FRMD8: variants seen among roughly 807,000 people sequenced by gnomAD.
The protein encoded by FRMD8 is FERM domain-containing protein 8.
Under a neutral mutation model 54.2 loss-of-function variants are expected in FRMD8, and 37 were observed. The ratio of observed to expected loss-of-function variants is 0.68; its 90% CI spans 0.53 to 0.90. The LOEUF (loss-of-function observed/expected upper bound fraction) is 0.90. Ranked by LOEUF, FRMD8 falls within the 40% of genes least tolerant of loss-of-function variation. The probability of loss-of-function intolerance (pLI) is 0.00; values close to 1 mark genes in which losing one functional copy is unlikely to be tolerated. For synonymous variants in FRMD8, 246 were observed against 286.9 expected, an observed-to-expected ratio of 0.86 and a Z score of 1.44; for missense variants, 585 against 653.7, an observed-to-expected ratio of 0.89 and a Z score of 1.15.
At chr11:65,380,554 T>G in the FRMD8 span, 6 of 1,333,658 alleles carry the variant, frequency 4.5e-6, no homozygotes, top group Non-Finnish European at 5.9e-6. Flanking sequence ...GCTTTACTCT[T>G]CTTTCTTCAA....
chr11:65,388,483 A>G (rs1356064079), intron 2 of FRMD8, among the ~76,000 whole-genome samples: 2 of 152,158 alleles, frequency 1.3e-5, no homozygotes, highest in African/African-American at 4.8e-5. Context: ...ACTTTTACAG[A>G]TGAGGCAACT....
Position 65,409,799 on chromosome 11 carries a change from C to T in FRMD8, c.1277-1443C>T, listed in dbSNP as rs143263857. ...AAAAAGAAAAAGAAAAATTTATTAACGTCTTGGCTAGGCTCACACCTGTAA... is the reference window on the plus strand; with the variant it reads ...AAAAAGAAAAAGAAAAATTTATTAATGTCTTGGCTAGGCTCACACCTGTAA... On this transcript the variant is annotated intron_variant, in intron 10 of 10. Coordinates refer to ENST00000317568, the MANE Select transcript of FRMD8 (RefSeq NM_031904.5). Among the ~76,000 whole-genome samples, 672 of 151,620 alleles carry T rather than the reference C, an allele frequency of 4.4e-3. 2 individuals are homozygous for T. Among genetic ancestry groups the T allele is most frequent in the African/African-American group, 0.015 (628 of 41,334 alleles).
At chr11:65,377,715 G>C in the FRMD8 span, 1 of 152,970 alleles carries the variant, frequency 6.5e-6, no homozygotes, top group Non-Finnish European at 1.5e-5. Context: ...ACACAGATTT[G>C]GGATGGAATT....
At chr11:65,376,483 A>G in the FRMD8 span, 2 of 1,614,170 alleles carry the variant, frequency 1.2e-6, no homozygotes, top group South Asian at 2.2e-5. Flanking sequence ...GGCACTGTTG[A>G]TGGTGACCCC....
chr11:65,376,910 GC>G, the FRMD8 span: 18 of 1,613,520 alleles, frequency 1.1e-5, no homozygotes, highest in Non-Finnish European at 1.5e-5. Context: ...CAGCGTCAGG[GC>G]CCAGGCTCCT....
At chr11:65,403,340 A>G (rs2904973) in intron 9 of FRMD8, among the ~76,000 whole-genome samples, 148,969 of 152,260 alleles carry the variant, frequency 0.98, 72,972 homozygotes, top group South Asian at 1. Flanking sequence ...CTGCCATCAC[A>G]CCCAGCTAAT....
chr11:65,408,970 G>A (rs1385844210), intron 10 of FRMD8, among the ~76,000 whole-genome samples: 5 of 152,002 alleles, frequency 3.3e-5, no homozygotes, highest in Non-Finnish European at 7.4e-5. Flanking sequence ...TTGTGCCCAG[G>A]TGTACCCTCC....
intron 3 of FRMD8, among the ~76,000 whole-genome samples, chr11:65,392,130 G>C (rs1476604531): frequency 6.6e-6 from 1 of 152,196 alleles, no homozygotes; most frequent in Non-Finnish European, 1.5e-5. Context: ...TGGGGCCCAG[G>C]GTCTAGGTTG....
Position 65,389,573 on chromosome 11 carries a change from CACTG to C in FRMD8, c.253+48_253+51del, listed in dbSNP as rs780929980. On this transcript the variant is annotated intron_variant, in intron 3 of 10. Coordinates refer to ENST00000317568, the MANE Select transcript of FRMD8 (RefSeq NM_031904.5). ...AGCCCAGGCTGGAGGGTTGGAAGGG[CACTG>C]ACCAGTACAGGAGGGAGGGGGCAGT... The C allele has an allele frequency of 3.3e-6, 5 of 1,528,158 alleles. No individual in the cohort carries two copies. In the South Asian group the frequency reaches 4.8e-5, roughly 15 times the overall value. The allele number at this position is 1,528,158 out of a possible 1,614,324, so 94.7% of individuals were successfully genotyped here.
At chr11:65,384,801 C>T (rs1468569956), upstream of FRMD8, among the ~76,000 whole-genome samples, 2 of 152,206 alleles carry the variant, frequency 1.3e-5, no homozygotes, top group Admixed American at 1.3e-4. Context: ...TGAGCTCACA[C>T]TCCTGGGCTC....
chr11:65,403,806 G>A (rs187048504), intron 9 of FRMD8, among the ~76,000 whole-genome samples: 20 of 152,298 alleles, frequency 1.3e-4, no homozygotes, highest in Admixed American at 1.1e-3. Flanking sequence ...GCATTTGAAC[G>A]GCAGGCTTCC....
intron 4 of FRMD8, 150 bp downstream of exon 4, chr11:65,393,824 C>A: frequency 1.2e-6 from 1 of 810,172 alleles, no homozygotes; most frequent in Non-Finnish European, 2.0e-6. Context: ...CCACCCCTGG[C>A]AGGGGAGGAA....
In FRMD8 at chr11:65,400,589, T is replaced by A. The variant is rs998143110; in HGVS notation, c.928-135T>A. The A allele has an allele frequency of 1.1e-6, 1 of 903,238 alleles. No individual in the cohort carries two copies. Among genetic ancestry groups the A allele is most frequent in the African/African-American group, 1.7e-5 (1 of 58,898 alleles). 56.0% of individuals were successfully genotyped at this position (903,238 alleles called of 1,614,324 possible). On this transcript the variant is annotated intron_variant, in intron 8 of 10. Transcript: ENST00000317568. The surrounding 1 kb of genome is among the most constrained non-coding windows in gnomAD (Gnocchi z 4.3). The stretch of plus-strand genomic sequence containing the variant: ...TCTGATGAAAGCTGAGGCTCTCTCC[T>A]TACAGAAACACATGAACAAATGTAG...
chr11:65,380,272 G>T, the FRMD8 span: 3 of 1,567,030 alleles, frequency 1.9e-6, no homozygotes, highest in Non-Finnish European at 2.6e-6. Context: ...GCAGGAGGAA[G>T]GAGAGCAGGG....
At chr11:65,380,352 C>T in the FRMD8 span, 1 of 984,736 alleles carries the variant, frequency 1.0e-6, no homozygotes, top group Non-Finnish European at 1.5e-6. Context: ...CCACCCCCTC[C>T]ACACAGGCAC....
intron 1 of FRMD8, 40 bp from the exon 2 acceptor site, chr11:65,386,997 C>G (rs200896880): frequency 1.6e-5 from 25 of 1,570,536 alleles, no homozygotes; most frequent in East Asian, 2.3e-5. Flanking sequence ...GCCCCCCATC[C>G]CTGGCTCCCG....
intron 2 of FRMD8, among the ~76,000 whole-genome samples, chr11:65,387,633 G>A (rs1293189054): frequency 6.6e-6 from 1 of 152,070 alleles, no homozygotes. Context: ...CCGCCTTCGG[G>A]GTTCACGCCA....
At chr11:65,409,377 G>A (rs1301998985) in intron 10 of FRMD8, among the ~76,000 whole-genome samples, 7 of 152,154 alleles carry the variant, frequency 4.6e-5, no homozygotes, top group Non-Finnish European at 1.0e-4. Context: ...ATAAGCCACC[G>A]TGCCCGGCCG....
chr11:65,387,188 GCTTGTCTTCTTTTTC>G, intron 2 of FRMD8, 67 bp downstream of exon 2: 1 of 1,247,104 alleles, frequency 8.0e-7, no homozygotes, highest in Non-Finnish European at 1.2e-6. Flanking sequence ...AGTAGCTCTG[GCTTGTCTTCTTTTTC>G]ATTAAAGATA....
Sources: allele counts gnomAD v4.1 joint callset (sites outside exome capture counted in the v4.1 genomes callset), GRCh38; gene constraint gnomAD v4.1.1; non-coding constraint Gnocchi (gnomAD v3.1); transcripts MANE v1.5; gene names NCBI Gene and HGNC (gene_info 2026-07-23, HGNC 2026-07-21).